The following ZFPM2 variants were observed in gnomAD, a reference collection of about 807,000 sequenced individuals.
ZFPM2 encodes the protein zinc finger protein ZFPM2.
ZFPM2 carries 20 observed loss-of-function variants against 98.6 expected under a neutral mutation model. The ratio of observed to expected loss-of-function variants is 0.20; its 90% confidence interval spans 0.14 to 0.29. ZFPM2 has a LOEUF of 0.29. Among genes scored for constraint, ZFPM2 ranks in the 10% least tolerant of loss-of-function variants. The probability of loss-of-function intolerance (pLI) is 1.00; values close to 1 mark genes in which losing one functional copy is unlikely to be tolerated. For synonymous variants in ZFPM2, 518 were observed against 502.7 expected, an observed-to-expected ratio of 1.03 and a Z score of -0.41; for missense variants, 1,310 against 1,388.6, an observed-to-expected ratio of 0.94 and a Z score of 0.90.
intron 1 of ZFPM2, among the ~76,000 whole-genome samples, chr8:105,338,765 T>C (rs1269229429): frequency 1.3e-5 from 2 of 151,880 alleles, no homozygotes; most frequent in Admixed American, 6.6e-5. Flanking sequence ...CTGTATGAAT[T>C]TGCATGTGTC....
intron 3 of ZFPM2, among the ~76,000 whole-genome samples, chr8:105,498,727 C>T (rs1246229598): frequency 6.6e-6 from 1 of 152,126 alleles, no homozygotes; most frequent in Non-Finnish European, 1.5e-5. Context: ...TGTTTGGAAG[C>T]CTATAAGCAG....
At chr8:105,490,282 A>G (rs1449478703) in intron 3 of ZFPM2, among the ~76,000 whole-genome samples, 4 of 152,190 alleles carry the variant, frequency 2.6e-5, no homozygotes, top group Non-Finnish European at 4.4e-5. Flanking sequence ...GCAAGTTTAA[A>G]ATTTTATCAA....
At chr8:105,698,018 A>C (rs1811059044) in intron 5 of ZFPM2, among the ~76,000 whole-genome samples, 1 of 152,180 alleles carries the variant, frequency 6.6e-6, no homozygotes. Context: ...ATATTTTGAT[A>C]TATTGTAATA....
At chr8:105,614,170 C>T (rs1816366187) in intron 4 of ZFPM2, among the ~76,000 whole-genome samples, 1 of 152,094 alleles carries the variant, frequency 6.6e-6, no homozygotes, top group Admixed American at 6.6e-5. Context: ...TCCAGGCATA[C>T]ACATTATTTT....
intron 7 of ZFPM2, among the ~76,000 whole-genome samples, chr8:105,800,129 G>A (rs1339021979): frequency 6.6e-6 from 1 of 152,104 alleles, no homozygotes; most frequent in Non-Finnish European, 1.5e-5. Flanking sequence ...ATTCATTAAG[G>A]AGAAAAAGAG....
At chr8:105,363,724 C>G (rs1050146255) in intron 1 of ZFPM2, among the ~76,000 whole-genome samples, 2 of 151,686 alleles carry the variant, frequency 1.3e-5, no homozygotes, top group African/African-American at 4.8e-5. Context: ...TTTGGGGAAA[C>G]TTAGGAATGC....
Position 105,788,937 on chromosome 8 carries a change from T to G in ZFPM2, c.739+13T>G. On this transcript the variant is annotated intron_variant, in intron 6 of 7. Transcript: ENST00000407775. ...GCTATTGTCAATAGTAAGTGCTCAGTGCTGTGTAGCCCAGCTTTAGAGGTG... is the reference window on the plus strand; with the variant it reads ...GCTATTGTCAATAGTAAGTGCTCAGGGCTGTGTAGCCCAGCTTTAGAGGTG... The G allele has an allele frequency of 6.2e-7, 1 of 1,607,896 alleles. No individual in the cohort carries two copies. Among genetic ancestry groups the G allele is most frequent in the Non-Finnish European group, 8.5e-7 (1 of 1,175,474 alleles).
chr8:105,710,981 C>A (rs1378298388), intron 5 of ZFPM2, among the ~76,000 whole-genome samples: 1 of 152,086 alleles, frequency 6.6e-6, no homozygotes, highest in South Asian at 2.1e-4. Flanking sequence ...TGTTCATCCT[C>A]TCAACCAGCC....
chr8:105,467,256 T>C (rs747292827), intron 3 of ZFPM2, among the ~76,000 whole-genome samples: 11 of 152,120 alleles, frequency 7.2e-5, no homozygotes, highest in Non-Finnish European at 1.2e-4. Context: ...TTTAGGAATA[T>C]TAAAATGAGA....
intron 5 of ZFPM2, among the ~76,000 whole-genome samples, chr8:105,715,858 G>T (rs1811512222): frequency 6.6e-6 from 1 of 151,994 alleles, no homozygotes. Context: ...CAGAATTTCT[G>T]GGACTAGGGC....
At chr8:105,439,547 A>C (rs182781336) in intron 2 of ZFPM2, among the ~76,000 whole-genome samples, 1 of 152,300 alleles carries the variant, frequency 6.6e-6, no homozygotes, top group East Asian at 1.9e-4. Flanking sequence ...TGTGGGAAGC[A>C]CTTATTGCTG....
At chr8:105,489,051 T>C (rs1813295412) in intron 3 of ZFPM2, among the ~76,000 whole-genome samples, 1 of 152,180 alleles carries the variant, frequency 6.6e-6, no homozygotes. Flanking sequence ...CATAAGTTAA[T>C]CTGAATTGAT....
At chr8:105,721,600 A>C (rs1372364276) in intron 5 of ZFPM2, among the ~76,000 whole-genome samples, 1 of 151,998 alleles carries the variant, frequency 6.6e-6, no homozygotes, top group Non-Finnish European at 1.5e-5. Flanking sequence ...CATTGTTGCC[A>C]GGTTACAGTT....
At chr8:105,759,421 C>T (rs1219974409) in intron 5 of ZFPM2, among the ~76,000 whole-genome samples, 3 of 152,128 alleles carry the variant, frequency 2.0e-5, no homozygotes, top group South Asian at 2.1e-4. Context: ...CCACAATATC[C>T]GCTTCACAGA....
chr8:105,661,182 G>C (rs568020095), intron 5 of ZFPM2, among the ~76,000 whole-genome samples: 1 of 152,238 alleles, frequency 6.6e-6, no homozygotes, highest in Non-Finnish European at 1.5e-5. Flanking sequence ...AATAAGCTTC[G>C]AAATCCCAAT....
At chr8:105,580,611 T>C (rs1815569399) in intron 4 of ZFPM2, among the ~76,000 whole-genome samples, 1 of 152,110 alleles carries the variant, frequency 6.6e-6, no homozygotes, top group African/African-American at 2.4e-5. Flanking sequence ...CAACTAGTAG[T>C]GTTTAAGTTT....
chr8:105,680,205 C>A (rs1460397802), intron 5 of ZFPM2, among the ~76,000 whole-genome samples: 17 of 152,264 alleles, frequency 1.1e-4, no homozygotes, highest in African/African-American at 3.9e-4. Context: ...GTGGACCTTT[C>A]TTCAAGTCTT....
chr8:105,750,575 T>A (rs1812452618), intron 5 of ZFPM2, among the ~76,000 whole-genome samples: 1 of 152,092 alleles, frequency 6.6e-6, no homozygotes, highest in South Asian at 2.1e-4. Flanking sequence ...TATTTCTGTC[T>A]CTCACAATTT....
At chr8:105,570,322 T>TTA (rs1293830537) in intron 4 of ZFPM2, among the ~76,000 whole-genome samples, 1 of 150,408 alleles carries the variant, frequency 6.6e-6, no homozygotes, top group East Asian at 1.9e-4. Flanking sequence ...TTTTATTTAT[T>TTA]TTTTTTTTGA....
Sources: gnomAD v4.1 joint callset for allele counts (sites outside exome capture counted in the v4.1 genomes callset) on GRCh38, gnomAD v4.1.1 for gene constraint, MANE v1.5 for transcripts, NCBI Gene and HGNC (gene_info 2026-07-23, HGNC 2026-07-21) for gene names.